Variants in BCAR3 observed in about 807,000 individuals in gnomAD.
BCAR3 encodes BCAR3 adaptor protein, NSP family member.
Under a neutral mutation model 80.1 loss-of-function variants are expected in BCAR3, and 37 were observed. The observed-to-expected ratio is 0.46, with a 90% CI of 0.36 to 0.61. The LOEUF is 0.61. Ranked by LOEUF, BCAR3 falls within the 20% of genes least tolerant of loss-of-function variation. BCAR3 has a pLI of 0.00. For missense variants in BCAR3, 978 were observed against 1,068.2 expected, an observed-to-expected ratio of 0.92 and a Z score of 1.18; for synonymous variants, 389 against 418.9, an observed-to-expected ratio of 0.93 and a Z score of 0.87.
At chr1:93,623,519 C>T (rs1454068170) in intron 3 of BCAR3, among the ~76,000 whole-genome samples, 1 of 152,140 alleles carries the variant, frequency 6.6e-6, no homozygotes, top group Non-Finnish European at 1.5e-5. Flanking sequence ...CCTTGGACCA[C>T]AAGCCTTAAG....
intron 3 of BCAR3, among the ~76,000 whole-genome samples, chr1:93,596,412 TG>T (rs1183265860): frequency 6.6e-6 from 1 of 152,182 alleles, no homozygotes; most frequent in Non-Finnish European, 1.5e-5. Context: ...CTCTCACATT[TG>T]TAGACATCTT....
chr1:93,702,361 T>C (rs950972126), intron 3 of BCAR3, among the ~76,000 whole-genome samples: 3 of 152,132 alleles, frequency 2.0e-5, no homozygotes, highest in Non-Finnish European at 4.4e-5. Context: ...AGAGGAGTCT[T>C]AAAAACAACC....
At chr1:93,752,867 C>G (rs1352106769) in intron 2 of BCAR3, 1 of 152,206 alleles carries the variant, frequency 6.6e-6, no homozygotes, top group Non-Finnish European at 1.5e-5. Flanking sequence ...AAACTGTTGC[C>G]TTTTGACTCT....
At chr1:93,775,703 G>A (rs12402802) in intron 2 of BCAR3, among the ~76,000 whole-genome samples, 17,827 of 152,152 alleles carry the variant, frequency 0.12, 1,475 homozygotes, top group African/African-American at 0.22. Flanking sequence ...AGGAGGATGT[G>A]TATTTGCTGC....
intron 3 of BCAR3, among the ~76,000 whole-genome samples, chr1:93,688,778 TTTTGTTTGTTTG>T (rs139919913): frequency 1.3e-5 from 2 of 150,478 alleles, no homozygotes; most frequent in African/African-American, 4.9e-5. Context: ...TTTTGTTTGT[TTTTGTTTGTTTG>T]TTTGTTTGTT....
rs573161075 is a variant in BCAR3 at position 93,628,429 on chromosome 1, T to C, written c.357+13875A>G. ...GCCTCCCATCTCATTCCAGAAAAAA[T>C]TGAAGTCTTTACTCTGACACACAAT... is the stretch of plus-strand genomic sequence containing the variant. On this transcript the variant is annotated intron_variant, in intron 3 of 11. Transcript: ENST00000260502. 4.4e-4 allele frequency among the ~76,000 whole-genome samples: 67 copies of C among 152,160 alleles called. 1 individual carries two copies. The highest frequency in any genetic ancestry group is 6.8e-3 in the Middle Eastern group (2 of 294).
At chr1:93,615,903 C>T (rs1452980860) in intron 3 of BCAR3, among the ~76,000 whole-genome samples, 1 of 152,100 alleles carries the variant, frequency 6.6e-6, no homozygotes, top group African/African-American at 2.4e-5. Context: ...CCATCCCAGG[C>T]CTGAGAAAAG....
Position 93,586,509 on chromosome 1 carries a change from AT to A in BCAR3, c.930-2389del, listed in dbSNP as rs35193256. Among the ~76,000 whole-genome samples, 31,201 of 151,928 alleles carry A rather than the reference AT, an allele frequency of 0.21. 3,638 individuals carry two copies. The highest frequency in any genetic ancestry group is 0.31 in the African/African-American group (12,620 of 41,366). On this transcript the variant is annotated intron_variant, in intron 5 of 11. Coordinates refer to ENST00000260502, the MANE Select transcript of BCAR3 (RefSeq NM_003567.4). This position sits in a 1 kb window ranked among gnomAD's most constrained non-coding sequence, Gnocchi z 4.2. ...TATTGTAAACAGTGCTGCAACAAAC[AT>A]TGGTGCAGGTATCTCTTTGATATAC... is the stretch of plus-strand genomic sequence containing the variant.
chr1:93,572,663 A>G (rs1673267438), intron 8 of BCAR3, among the ~76,000 whole-genome samples: 1 of 152,242 alleles, frequency 6.6e-6, no homozygotes. Context: ...ATCAGGACCC[A>G]GGAGTTAACT....
chr1:93,685,900 G>C (rs1648957066), upstream of BCAR3, among the ~76,000 whole-genome samples: 1 of 151,972 alleles, frequency 6.6e-6, no homozygotes, highest in Non-Finnish European at 1.5e-5. Flanking sequence ...ATATTTTCAT[G>C]TTTAGTAGAC....
intron 2 of BCAR3, among the ~76,000 whole-genome samples, chr1:93,768,440 C>A (rs765889011): frequency 2.0e-5 from 3 of 152,146 alleles, no homozygotes; most frequent in Non-Finnish European, 4.4e-5. Flanking sequence ...CCCATTTGGG[C>A]AAATCAGACA....
chr1:93,573,438 AC>A (rs1673304528), intron 8 of BCAR3, among the ~76,000 whole-genome samples: 1 of 151,742 alleles, frequency 6.6e-6, no homozygotes, highest in African/African-American at 2.4e-5. Flanking sequence ...ACTGGCGGGC[AC>A]CTAATAAATA....
intron 2 of BCAR3, among the ~76,000 whole-genome samples, chr1:93,797,185 G>A (rs1653308709): frequency 1.3e-5 from 2 of 152,078 alleles, no homozygotes; most frequent in Non-Finnish European, 2.9e-5. Context: ...TCTGATTGTT[G>A]GGCTTTGGCA....
At chr1:93,753,343 A>G (rs1651630179) in intron 2 of BCAR3, 1 of 152,216 alleles carries the variant, frequency 6.6e-6, no homozygotes, top group South Asian at 2.1e-4. Context: ...TGACATCTCA[A>G]GGAAATGTGG....
intron 2 of BCAR3, among the ~76,000 whole-genome samples, chr1:93,800,026 T>A (rs2100787259): frequency 6.6e-6 from 1 of 152,334 alleles, no homozygotes; most frequent in Admixed American, 6.5e-5. Flanking sequence ...TAAACCTCCA[T>A]TCCTTCCTAT....
Position 93,562,288 on chromosome 1 carries a change from G to A in BCAR3, c.2431C>T (p.Leu811Phe), listed in dbSNP as rs770901795. ...GGAGGAGGTTCCAATTTACGCGAGA[G>A]GGCAGTTAAAATCTGGTTGAATTTC... is the stretch of plus-strand genomic sequence containing the variant. The part of the protein sequence containing the change: ...YEKFNQILTA[L>F]SRKLEPPPVK... The change falls in exon 12 of 12, where the codon CTC becomes TTC. Residue 811 changes from leucine (L) to phenylalanine (F), a missense_variant. By Grantham distance (22) the Leu-to-Phe change is conservative. Coordinates refer to ENST00000260502, the MANE Select transcript of BCAR3 (RefSeq NM_003567.4). The A allele has an allele frequency of 1.5e-5, 25 of 1,614,054 alleles. No individual in the cohort carries two copies. The highest frequency in any genetic ancestry group is 2.1e-5 in the Non-Finnish European group (25 of 1,179,970).
At chr1:93,718,517 C>A (rs975111883) in intron 2 of BCAR3, among the ~76,000 whole-genome samples, 5 of 152,092 alleles carry the variant, frequency 3.3e-5, no homozygotes, top group Admixed American at 3.3e-4. Flanking sequence ...GCCTTACATG[C>A]ACTACTTCAC....
intron 2 of BCAR3, among the ~76,000 whole-genome samples, chr1:93,739,270 T>G (rs1651098851): frequency 6.6e-6 from 1 of 152,040 alleles, no homozygotes; most frequent in Admixed American, 6.5e-5. Context: ...GAGGAGCCTG[T>G]GAGATGGGAA....
intron 2 of BCAR3, among the ~76,000 whole-genome samples, chr1:93,817,331 G>C (rs1308558937): frequency 1.3e-5 from 2 of 152,198 alleles, no homozygotes; most frequent in Non-Finnish European, 2.9e-5. Context: ...CTGGTTTTTG[G>C]GGCTGAGAGC....
Sources: gnomAD v4.1 joint callset for allele counts (sites outside exome capture counted in the v4.1 genomes callset) on GRCh38, gnomAD v4.1.1 for gene constraint, Gnocchi (gnomAD v3.1) non-coding constraint, MANE v1.5 for transcripts, NCBI Gene and HGNC (gene_info 2026-07-23, HGNC 2026-07-21) for gene names.